The following HS3ST4 variants were observed in gnomAD, a reference collection of about 807,000 sequenced individuals.
HS3ST4 encodes the protein heparan sulfate glucosamine 3-O-sulfotransferase 4.
A neutral mutation model predicts 29.2 loss-of-function variants in HS3ST4; 17 were observed. That is an observed-to-expected ratio of 0.58 (90% CI 0.40 to 0.87). The LOEUF is 0.87. HS3ST4 is among the 40% of genes least tolerant of loss of function. The pLI is 0.00. For synonymous variants in HS3ST4, 314 were observed against 285.7 expected, an observed-to-expected ratio of 1.10 and a Z score of -1.00; for missense variants, 627 against 634.5, an observed-to-expected ratio of 0.99 and a Z score of 0.13.
intron 1 of HS3ST4, among the ~76,000 whole-genome samples, chr16:26,042,909 A>G (rs1007819002): frequency 2.6e-5 from 4 of 152,156 alleles, no homozygotes; most frequent in African/African-American, 7.2e-5. Context: ...TGGCAGTATC[A>G]TTTTACACTA....
intron 1 of HS3ST4, among the ~76,000 whole-genome samples, chr16:25,741,130 T>G (rs951334813): frequency 6.6e-6 from 1 of 152,118 alleles, no homozygotes; most frequent in African/African-American, 2.4e-5. Flanking sequence ...TTCCTTCCCA[T>G]GCAGGACTTT....
At position 26,065,632 on chromosome 16, in the gene HS3ST4, GA is replaced by G. The variant is rs928335787; in HGVS notation, c.735-69971del. On this transcript the variant is annotated intron_variant, in intron 1 of 1. Transcript: ENST00000331351. ...GTACCCCTGAACTCAAAATAAAAGC[GA>G]AAAAAAAAGATAAAAATAAAATATG... 3.9e-3 allele frequency among the ~76,000 whole-genome samples: 585 copies of G among 148,678 alleles called. 3 individuals carry two copies. The highest frequency in any genetic ancestry group is 0.013 in the African/African-American group (514 of 40,468).
At chr16:26,084,704 G>T (rs938244591) in intron 1 of HS3ST4, among the ~76,000 whole-genome samples, 6 of 152,062 alleles carry the variant, frequency 3.9e-5, no homozygotes, top group Non-Finnish European at 8.8e-5. Context: ...AAACTCCTGG[G>T]CGCAAACCAA....
At chr16:25,959,639 C>G in intron 1 of HS3ST4, among the ~76,000 whole-genome samples, 1 of 152,174 alleles carries the variant, frequency 6.6e-6, no homozygotes, top group East Asian at 1.9e-4. Context: ...TACAGGAACA[C>G]AGAAAGCGTA....
At chr16:26,095,582 C>A (rs1272442911) in intron 1 of HS3ST4, among the ~76,000 whole-genome samples, 1 of 152,152 alleles carries the variant, frequency 6.6e-6, no homozygotes, top group Non-Finnish European at 1.5e-5. Flanking sequence ...AACAAAGACA[C>A]AAAGTACCAG....
At chr16:25,980,484 T>C (rs1313618660) in intron 1 of HS3ST4, among the ~76,000 whole-genome samples, 1 of 152,166 alleles carries the variant, frequency 6.6e-6, no homozygotes, top group Non-Finnish European at 1.5e-5. Flanking sequence ...TCACCATGTA[T>C]CGAGTTCCAC....
chr16:26,049,964 G>C (rs1260657875), intron 1 of HS3ST4, among the ~76,000 whole-genome samples: 2 of 152,186 alleles, frequency 1.3e-5, no homozygotes, highest in Admixed American at 1.3e-4. Context: ...TCCTCCAGGA[G>C]CCTCCCCCTG....
At chr16:25,797,643 G>A (rs1400269439) in intron 1 of HS3ST4, among the ~76,000 whole-genome samples, 2 of 152,130 alleles carry the variant, frequency 1.3e-5, no homozygotes, top group African/African-American at 4.8e-5. Flanking sequence ...AGCTTCCTCT[G>A]TAATAATCAA....
chr16:26,109,490 G>C (rs1031744665), intron 1 of HS3ST4, among the ~76,000 whole-genome samples: 1 of 151,860 alleles, frequency 6.6e-6, no homozygotes, highest in Admixed American at 6.6e-5. Flanking sequence ...CACAGCACTG[G>C]TTCCCTGACA....
At chr16:26,113,994 C>A (rs1228652282) in intron 1 of HS3ST4, among the ~76,000 whole-genome samples, 2 of 152,014 alleles carry the variant, frequency 1.3e-5, no homozygotes, top group East Asian at 3.9e-4. Context: ...GCAGAGGAGA[C>A]CTTTGGGTTG....
At chr16:25,824,549 C>T (rs771025390) in intron 1 of HS3ST4, among the ~76,000 whole-genome samples, 5 of 152,116 alleles carry the variant, frequency 3.3e-5, no homozygotes, top group South Asian at 2.1e-4. Context: ...TCTTATGTGA[C>T]GTATTCACTA....
At chr16:25,984,478 C>A (rs1441105728) in intron 1 of HS3ST4, among the ~76,000 whole-genome samples, 4 of 152,174 alleles carry the variant, frequency 2.6e-5, no homozygotes, top group African/African-American at 9.7e-5. Context: ...GCTGTGTAAC[C>A]AGGTTTCTAA....
At chr16:25,731,373 C>G (rs548529186) in intron 1 of HS3ST4, among the ~76,000 whole-genome samples, 1 of 152,266 alleles carries the variant, frequency 6.6e-6, no homozygotes, top group East Asian at 1.9e-4. Context: ...CAAGGCCTCC[C>G]TGTGTTGCCC....
chr16:26,119,410 C>G (rs1015093816), intron 1 of HS3ST4, among the ~76,000 whole-genome samples: 2 of 152,206 alleles, frequency 1.3e-5, no homozygotes, highest in Non-Finnish European at 2.9e-5. Flanking sequence ...ATAGAGGCCA[C>G]AGACAGACTG....
intron 1 of HS3ST4, among the ~76,000 whole-genome samples, chr16:25,938,863 T>A (rs929496617): frequency 6.6e-6 from 1 of 152,204 alleles, no homozygotes; most frequent in African/African-American, 2.4e-5. Context: ...TTGGAAGCAC[T>A]TCTCACCTTT....
chr16:25,786,852 G>A (rs1298117629), intron 1 of HS3ST4, among the ~76,000 whole-genome samples: 1 of 152,170 alleles, frequency 6.6e-6, no homozygotes. Flanking sequence ...AAGAGTGACA[G>A]CCACGTGACT....
intron 1 of HS3ST4, among the ~76,000 whole-genome samples, chr16:25,812,062 A>G (rs1967047721): frequency 6.6e-6 from 1 of 152,126 alleles, no homozygotes; most frequent in African/African-American, 2.4e-5. Context: ...TATGCGGTCT[A>G]CTGTTGATGG....
At chr16:26,129,610 A>G (rs542917392) in intron 1 of HS3ST4, among the ~76,000 whole-genome samples, 50 of 152,224 alleles carry the variant, frequency 3.3e-4, no homozygotes, top group Non-Finnish European at 6.5e-4. Flanking sequence ...CAAACTCCCC[A>G]TGAGAAGGGG....
At chr16:25,886,049 T>TTTC (rs1555470743) in intron 1 of HS3ST4, among the ~76,000 whole-genome samples, 1 of 146,426 alleles carries the variant, frequency 6.8e-6, no homozygotes, top group African/African-American at 2.6e-5. Context: ...TTTTTTTTTT[T>TTTC]TGAGACAGAG....
Sources: allele counts gnomAD v4.1 joint callset (sites outside exome capture counted in the v4.1 genomes callset), GRCh38; gene constraint gnomAD v4.1.1; transcripts MANE v1.5; gene names NCBI Gene and HGNC (gene_info 2026-07-23, HGNC 2026-07-21).